COL6A5: variants seen among roughly 807,000 people sequenced by gnomAD.
The protein encoded by COL6A5 is collagen alpha-5(VI) chain.
In COL6A5, 48 loss-of-function variants were observed where a neutral mutation model predicts 65.6. That is an observed-to-expected ratio of 0.73 (90% CI 0.58 to 0.93). The LOEUF is 0.93. Among genes scored for constraint, COL6A5 ranks in the 40% least tolerant of loss-of-function variants. The pLI is 0.00. For synonymous variants in COL6A5, 291 were observed against 322.8 expected (o/e 0.90, Z 1.05); for missense variants, 914 against 928.3 (o/e 0.98, Z 0.20).
chr3:130,481,615 C>T (rs183574666), intron 7 of COL6A5, among the ~76,000 whole-genome samples: 2 of 152,220 alleles, frequency 1.3e-5, no homozygotes, highest in East Asian at 1.9e-4. Context: ...CTTGAGGAAT[C>T]GCCGCACTGT....
At chr3:130,478,974 C>T (rs1021197088) in intron 7 of COL6A5, among the ~76,000 whole-genome samples, 12 of 152,078 alleles carry the variant, frequency 7.9e-5, no homozygotes, top group Non-Finnish European at 1.8e-4. Context: ...TGTATATCTC[C>T]TGACTGGGAT....
intron 5 of COL6A5, among the ~76,000 whole-genome samples, chr3:130,460,847 T>C (rs905098357): frequency 1.3e-5 from 2 of 150,952 alleles, no homozygotes; most frequent in Admixed American, 1.3e-4. Context: ...GAGGAGGTGA[T>C]AGTAATGATG....
intron 22 of COL6A5, 37 bp downstream of exon 22, chr3:130,414,168 G>T (rs1937269627): frequency 7.0e-7 from 1 of 1,435,042 alleles, no homozygotes; most frequent in South Asian, 1.2e-5. Flanking sequence ...GATAAATGCT[G>T]TAAAGTTATT....
chr3:130,382,752 A>G (rs1390237345), intron 4 of COL6A5, among the ~76,000 whole-genome samples: 1 of 152,126 alleles, frequency 6.6e-6, no homozygotes, highest in African/African-American at 2.4e-5. Context: ...TCTGGCACAT[A>G]CTAAGTGTTC....
intron 10 of COL6A5, among the ~76,000 whole-genome samples, chr3:130,399,370 C>CTTT (rs34407199): frequency 6.9e-5 from 9 of 130,458 alleles, no homozygotes; most frequent in African/African-American, 1.7e-4. Context: ...TCATTTCTTT[C>CTTT]TTTTTTTTTT....
rs1167544051 is a variant in COL6A5 at position 130,365,749 on chromosome 3, A to G, written c.-28-7862A>G. 4.6e-5 allele frequency among the ~76,000 whole-genome samples: 7 copies of G among 152,280 alleles called. No individual in the cohort carries two copies. In the South Asian group the frequency reaches 1.5e-3, roughly 32 times the overall value. Reference sequence around the variant, plus strand: ...TACACCATTCAGGATGGCCTAACTTAGTGGTCGTCAACCTTGGCTGCACAT... The same window carrying G: ...TACACCATTCAGGATGGCCTAACTTGGTGGTCGTCAACCTTGGCTGCACAT... On this transcript the variant is annotated intron_variant and NMD_transcript_variant, in intron 1 of 41. Coordinates refer to the COL6A5 transcript ENST00000312481.
In COL6A5 at chr3:130,351,070, C is replaced by T. The variant is rs113817761; in HGVS notation, c.-29+5089C>T. On this transcript the variant is annotated intron_variant and NMD_transcript_variant, in intron 1 of 41. Transcript: ENST00000312481. ...AAAAGCAAGAAATGGGGAAAGGATT[C>T]CCTATTTAATAAATGGTGCTGGGAA... Among the ~76,000 whole-genome samples, 207 of 152,260 alleles carry T rather than the reference C, an allele frequency of 1.4e-3. 4 individuals are homozygous for T. The highest frequency in any genetic ancestry group is 4.7e-3 in the African/African-American group (196 of 41,558).
At chr3:130,352,739 C>T (rs562941356) in intron 1 of COL6A5, among the ~76,000 whole-genome samples, 11 of 152,088 alleles carry the variant, frequency 7.2e-5, no homozygotes, top group East Asian at 1.9e-4. Flanking sequence ...TAAAGATAAC[C>T]GTATATACTT....
chr3:130,405,968 G>C (rs552515241), intron 14 of COL6A5, 25 bp from the exon 15 acceptor site: 2 of 1,550,344 alleles, frequency 1.3e-6, no homozygotes, highest in South Asian at 2.4e-5. Flanking sequence ...TGATTTGTCA[G>C]TGAGAGATAT....
chr3:130,353,667 T>A (rs2107614326), intron 1 of COL6A5, among the ~76,000 whole-genome samples: 1 of 150,054 alleles, frequency 6.7e-6, no homozygotes, highest in East Asian at 2.0e-4. Context: ...TAAGAAAGTA[T>A]AATAATAATG....
chr3:130,419,908 A>G (rs1183645792), intron 25 of COL6A5, among the ~76,000 whole-genome samples: 1 of 152,128 alleles, frequency 6.6e-6, no homozygotes, highest in Non-Finnish European at 1.5e-5. Flanking sequence ...AAAGAAAAAA[A>G]TAGTAAATAA....
exon 8 of COL6A5, chr3:130,395,254 T>A: frequency 1.3e-6 from 2 of 1,551,716 alleles, no homozygotes; most frequent in Non-Finnish European, 1.7e-6. Flanking sequence ...CTGGAGATCC[T>A]CGCTATGATG....
At chr3:130,409,195 G>C in intron 17 of COL6A5, 131 bp from the exon 18 acceptor site, 1 of 618,754 alleles carries the variant, frequency 1.6e-6, no homozygotes, top group Non-Finnish European at 2.7e-6. Context: ...TGAGAAGTCT[G>C]AGGGAATCTG....
In COL6A5 at chr3:130,431,753, C is replaced by G. The variant is rs1387815051; in HGVS notation, c.293C>G (p.Ala98Gly). The G allele has an allele frequency of 7.7e-6, 12 of 1,551,576 alleles. No individual in the cohort carries two copies. The Admixed American group carries it at 2.4e-4, about 30-fold the overall frequency. ...ACAGAGCCCCGAGATGTTGGTAATG[C>G]AATGAGGTTTGTGACCCGCAACGTG... The change falls in exon 1 of 8, where the codon GCA becomes GGA. Residue 98 changes from alanine to glycine, a missense_variant. By Grantham distance (60) the Ala-to-Gly change is moderately conservative. Transcript: ENST00000512836.
chr3:130,391,336 C>T, exon 7 of COL6A5: 1 of 1,551,716 alleles, frequency 6.4e-7, no homozygotes, highest in Non-Finnish European at 8.7e-7. Flanking sequence ...CCCTCAAATA[C>T]TCTGACCAAC....
chr3:130,413,941 G>A, intron 21 of COL6A5, 128 bp from the exon 22 acceptor site: 3 of 705,646 alleles, frequency 4.3e-6, no homozygotes, highest in Middle Eastern at 4.9e-4. Flanking sequence ...TAAAATCCTA[G>A]GCCAAGTAGA....
exon 22 of COL6A5, chr3:130,414,086 T>C: frequency 6.4e-7 from 1 of 1,550,796 alleles, no homozygotes; most frequent in Non-Finnish European, 8.7e-7. Flanking sequence ...CAGGAAATCC[T>C]GGACCTACAG....
upstream of COL6A5, among the ~76,000 whole-genome samples, chr3:130,429,778 G>A (rs1271991681): frequency 6.6e-6 from 1 of 152,146 alleles, no homozygotes; most frequent in Admixed American, 6.5e-5. Flanking sequence ...CTGAATCCCA[G>A]CCCCTAGCCT....
chr3:130,385,043 C>CAACTAA (rs1227422829), exon 5 of COL6A5: 1 of 1,550,668 alleles, frequency 6.4e-7, no homozygotes, highest in East Asian at 2.4e-5. Context: ...TAACATTAAG[C>CAACTAA]AACTAACTGG....
Sources: allele counts gnomAD v4.1 joint callset (sites outside exome capture counted in the v4.1 genomes callset), GRCh38; gene constraint gnomAD v4.1.1; transcripts MANE v1.5; gene names NCBI Gene and HGNC (gene_info 2026-07-23, HGNC 2026-07-21).